Variants in SLIT3 observed in about 807,000 individuals in gnomAD.
SLIT3 encodes the protein slit guidance ligand 3, also known as slit homolog 3 protein.
Under a neutral mutation model 184.0 loss-of-function variants are expected in SLIT3, and 68 were observed. That is an observed-to-expected ratio of 0.37 (90% confidence interval 0.30 to 0.45). The LOEUF (loss-of-function observed/expected upper bound fraction) is 0.45. Among genes scored for constraint, SLIT3 ranks in the 20% least tolerant of loss-of-function variants. The probability of loss-of-function intolerance (pLI) is 1.00; values close to 1 mark genes in which losing one functional copy is unlikely to be tolerated. For missense variants in SLIT3, 1,707 were observed against 2,026.0 expected (o/e 0.84, Z 3.02); for synonymous variants, 831 against 828.6 (o/e 1.00, Z -0.05).
chr5:169,209,493 A>G (rs1764184734), intron 3 of SLIT3, among the ~76,000 whole-genome samples: 1 of 152,230 alleles, frequency 6.6e-6, no homozygotes, highest in South Asian at 2.1e-4. Context: ...ACACATGCAC[A>G]TGTATGTTTA....
At chr5:168,894,494 G>T (rs1298811292) in intron 4 of SLIT3, among the ~76,000 whole-genome samples, 2 of 152,144 alleles carry the variant, frequency 1.3e-5, no homozygotes, top group Non-Finnish European at 2.9e-5. Context: ...AAAGAGCTCT[G>T]GCTGTCCTCC....
rs188134384 is a variant in SLIT3, at chr5:168,711,870, T to C, written c.2555+413A>G. On this transcript the variant is annotated intron_variant, in intron 24 of 35. Transcript: ENST00000519560. ...GGAATACCTGTTGCAGAGTGCAAAG[T>C]GGTTAAGAATATGTGCTTTGGAGTC... 7.9e-5 allele frequency among the ~76,000 whole-genome samples: 12 copies of C among 152,252 alleles called. No homozygotes were observed. In the East Asian group the frequency reaches 2.3e-3, roughly 29 times the overall value.
chr5:168,799,735 G>A (rs1406146609), intron 9 of SLIT3, among the ~76,000 whole-genome samples: 2 of 152,122 alleles, frequency 1.3e-5, no homozygotes, highest in African/African-American at 2.4e-5. Context: ...CATTTATTGA[G>A]GGCTTTTGAT....
rs185653379 is a variant in SLIT3 at position 168,704,020 on chromosome 5, G to A, written c.2845-3341C>T. ...TGGAAACCTCTTTCTGAGATCGCAC[G>A]AGGAATGCTGCTAAGTCCTTACTTC... On this transcript the variant is annotated intron_variant, in intron 26 of 35. Transcript: ENST00000519560. Among the ~76,000 whole-genome samples the A allele has an allele frequency of 2.2e-3, 333 of 148,868 alleles. 4 individuals are homozygous for A. Among genetic ancestry groups the A allele is most frequent in the Non-Finnish European group, 2.5e-3 (169 of 67,536 alleles).
intron 1 of SLIT3, among the ~76,000 whole-genome samples, chr5:169,282,101 T>C (rs1767017483): frequency 6.6e-6 from 1 of 152,196 alleles, no homozygotes; most frequent in African/African-American, 2.4e-5. Context: ...CAGAAAGAAC[T>C]TTTTGAAGAT....
chr5:169,293,795 A>T (rs1767424323), intron 1 of SLIT3, among the ~76,000 whole-genome samples: 1 of 152,334 alleles, frequency 6.6e-6, no homozygotes, highest in Middle Eastern at 3.4e-3. Flanking sequence ...TGTATCAAAC[A>T]TGGTACTGAC....
chr5:169,198,971 CACACAT>C (rs1186724799), intron 3 of SLIT3, among the ~76,000 whole-genome samples: 2 of 147,752 alleles, frequency 1.4e-5, no homozygotes, highest in African/African-American at 5.0e-5. Flanking sequence ...CACACACACA[CACACAT>C]ATGTGTGTAT....
At chr5:168,982,410 A>C (rs1754979876) in intron 4 of SLIT3, among the ~76,000 whole-genome samples, 1 of 152,196 alleles carries the variant, frequency 6.6e-6, no homozygotes, top group Non-Finnish European at 1.5e-5. Flanking sequence ...TTGAACAACA[A>C]GAAGGTTCTC....
At position 169,010,731 on chromosome 5, in the gene SLIT3, G is replaced by A. The variant is rs190088615; in HGVS notation, c.414-127395C>T. 1.1e-3 allele frequency among the ~76,000 whole-genome samples: 161 copies of A among 151,948 alleles called. 2 individuals are homozygous for A. The highest frequency in any genetic ancestry group is 2.6e-3 in the Admixed American group (39 of 15,264). ...AGCCTGGGCAACATGGCGAAACCCC[G>A]TCACTACCAAAATACAAAACAATTA... is the stretch of plus-strand genomic sequence containing the variant. On this transcript the variant is annotated intron_variant, in intron 4 of 35. Coordinates refer to ENST00000519560, the MANE Select transcript of SLIT3 (RefSeq NM_003062.4).
intron 26 of SLIT3, among the ~76,000 whole-genome samples, chr5:168,704,943 T>C (rs1458353019): frequency 4.6e-5 from 7 of 152,176 alleles, no homozygotes; most frequent in Admixed American, 1.3e-4. Context: ...CACAGAGAAT[T>C]TGATGCAACC....
chr5:168,741,197 A>G (rs544655762), intron 20 of SLIT3, among the ~76,000 whole-genome samples: 1 of 152,282 alleles, frequency 6.6e-6, no homozygotes, highest in East Asian at 1.9e-4. Context: ...GCCTCCAGGC[A>G]CGGAGGCTCA....
chr5:168,679,212 C>T (rs1761505846), intron 32 of SLIT3, among the ~76,000 whole-genome samples: 1 of 152,152 alleles, frequency 6.6e-6, no homozygotes, highest in Non-Finnish European at 1.5e-5. Context: ...ATGTGCACTA[C>T]TATGCTTGGG....
intron 17 of SLIT3, 122 bp downstream of exon 17, chr5:168,753,742 G>C: frequency 8.6e-7 from 1 of 1,161,770 alleles, no homozygotes; most frequent in South Asian, 1.5e-5. Flanking sequence ...ACTCCAGGAA[G>C]AGAGGGATTC....
intron 1 of SLIT3, among the ~76,000 whole-genome samples, chr5:169,266,784 A>G (rs1043208011): frequency 2.0e-5 from 3 of 152,222 alleles, no homozygotes; most frequent in Non-Finnish European, 4.4e-5. Flanking sequence ...TTAAGCATCC[A>G]TGATCTTCAT....
chr5:168,957,615 G>A (rs1423874886), intron 4 of SLIT3, among the ~76,000 whole-genome samples: 1 of 152,224 alleles, frequency 6.6e-6, no homozygotes, highest in Non-Finnish European at 1.5e-5. Flanking sequence ...AGCAATGGTT[G>A]CCAAGCCTGG....
At chr5:169,073,222 C>G (rs1758617283) in intron 4 of SLIT3, among the ~76,000 whole-genome samples, 1 of 152,174 alleles carries the variant, frequency 6.6e-6, no homozygotes, top group Admixed American at 6.5e-5. Flanking sequence ...TATCCTAATT[C>G]TCATGTACTT....
At chr5:169,077,815 G>T (rs148260093) in intron 4 of SLIT3, among the ~76,000 whole-genome samples, 1 of 123,766 alleles carries the variant, frequency 8.1e-6, no homozygotes, top group South Asian at 2.5e-4. Flanking sequence ...AAAATTTCCA[G>T]AATAAATGTC....
At chr5:169,008,631 G>C (rs568165320) in intron 4 of SLIT3, among the ~76,000 whole-genome samples, 53 of 152,212 alleles carry the variant, frequency 3.5e-4, no homozygotes, top group South Asian at 2.1e-4. Flanking sequence ...CTCACCATCT[G>C]TTTTGTTGTT....
chr5:168,806,473 G>A lies in SLIT3; in HGVS notation c.908C>T (p.Ala303Val), dbSNP rs1485539236. 6.2e-7 allele frequency: 1 copy of A among 1,614,088 alleles called. No homozygotes were observed. The highest frequency in any genetic ancestry group is 1.7e-5 in the Admixed American group (1 of 60,010). Residue 303 changes from alanine to valine, a missense_variant, in exon 9 of 36, where the codon GCC becomes GTC. Coordinates refer to ENST00000519560, the MANE Select transcript of SLIT3 (RefSeq NM_003062.4). ...CRGKGLMEIP[A>V]NLPEGIVEIR... is the part of the protein sequence containing the mutation. ...TTCGACGATGCCCTCCGGCAAGTTGGCAGGAATCTCCATCAAGCCCTTTCC... is the reference window on the plus strand; with the variant it reads ...TTCGACGATGCCCTCCGGCAAGTTGACAGGAATCTCCATCAAGCCCTTTCC...
Sources: gnomAD v4.1 joint callset for allele counts (sites outside exome capture counted in the v4.1 genomes callset) on GRCh38, gnomAD v4.1.1 for gene constraint, MANE v1.5 for transcripts, NCBI Gene and HGNC (gene_info 2026-07-23, HGNC 2026-07-21) for gene names.